The following GRM8 variants were observed in gnomAD, a reference collection of about 807,000 sequenced individuals.
GRM8 encodes metabotropic glutamate receptor 8.
In GRM8, 47 loss-of-function variants were observed where a neutral mutation model predicts 87.2. The ratio of observed to expected loss-of-function variants is 0.54; its 90% CI spans 0.43 to 0.69. The LOEUF is 0.69. Ranked by LOEUF, GRM8 falls within the 30% of genes least tolerant of loss-of-function variation. The pLI is 0.00. For synonymous variants in GRM8, 396 were observed against 404.5 expected (o/e 0.98, Z 0.25); for missense variants, 1,019 against 1,139.2 (o/e 0.89, Z 1.52).
At chr7:126,461,832 A>T (rs182138062) in intron 9 of GRM8, among the ~76,000 whole-genome samples, 9 of 151,702 alleles carry the variant, frequency 5.9e-5, no homozygotes, top group Non-Finnish European at 1.0e-4. Flanking sequence ...CTTTTGGCTT[A>T]ATGTATTGTT....
At chr7:127,212,492 A>T (rs2116641465) in intron 2 of GRM8, among the ~76,000 whole-genome samples, 1 of 135,790 alleles carries the variant, frequency 7.4e-6, no homozygotes, top group African/African-American at 2.9e-5. Context: ...ATCTCGGCTC[A>T]CTGCAAGCTC....
intron 2 of GRM8, among the ~76,000 whole-genome samples, chr7:127,204,720 T>C (rs961520806): frequency 6.6e-6 from 1 of 152,226 alleles, no homozygotes; most frequent in African/African-American, 2.4e-5. Context: ...TGGCCTTTTT[T>C]AGTGCTTCAA....
chr7:126,553,231 AAAC>A (rs1404748271), intron 8 of GRM8, among the ~76,000 whole-genome samples: 1 of 152,168 alleles, frequency 6.6e-6, no homozygotes, highest in Non-Finnish European at 1.5e-5. Flanking sequence ...TCTCTATAAT[AAAC>A]AACAGATAAA....
At chr7:126,551,696 T>A (rs986806486) in intron 8 of GRM8, among the ~76,000 whole-genome samples, 3 of 149,964 alleles carry the variant, frequency 2.0e-5, no homozygotes, top group Non-Finnish European at 3.0e-5. Context: ...TTTTTTTTTT[T>A]ATCCATCCAT....
intron 9 of GRM8, among the ~76,000 whole-genome samples, chr7:126,488,678 G>T (rs748993941): frequency 1.3e-5 from 2 of 151,626 alleles, no homozygotes; most frequent in Non-Finnish European, 2.9e-5. Flanking sequence ...TATACTATTG[G>T]ATATGTACTC....
intron 7 of GRM8, among the ~76,000 whole-genome samples, chr7:126,754,484 A>G (rs1254181226): frequency 6.6e-6 from 1 of 151,854 alleles, no homozygotes; most frequent in Non-Finnish European, 1.5e-5. Flanking sequence ...TGCCAGCCAA[A>G]AGCTAACACA....
chr7:126,951,975 T>A (rs1808211263), intron 3 of GRM8, among the ~76,000 whole-genome samples: 1 of 151,616 alleles, frequency 6.6e-6, no homozygotes, highest in Non-Finnish European at 1.5e-5. Context: ...AATAAGCACA[T>A]CTAGCATGAA....
At chr7:126,488,705 T>C (rs892322460) in intron 9 of GRM8, among the ~76,000 whole-genome samples, 1 of 152,054 alleles carries the variant, frequency 6.6e-6, no homozygotes, top group Non-Finnish European at 1.5e-5. Context: ...ATACTATTTA[T>C]GATTTTTCTT....
chr7:126,954,258 G>A (rs1235448396), intron 3 of GRM8, among the ~76,000 whole-genome samples: 1 of 152,162 alleles, frequency 6.6e-6, no homozygotes, highest in Non-Finnish European at 1.5e-5. Flanking sequence ...TAAAAAGGCA[G>A]CATGGCAAGG....
At chr7:126,615,029 C>T (rs981673190) in intron 7 of GRM8, among the ~76,000 whole-genome samples, 2 of 152,118 alleles carry the variant, frequency 1.3e-5, no homozygotes, top group African/African-American at 4.8e-5. Flanking sequence ...GAGAACACCA[C>T]AAAGATACTC....
At chr7:126,652,066 T>C (rs963860548) in intron 7 of GRM8, among the ~76,000 whole-genome samples, 1 of 152,250 alleles carries the variant, frequency 6.6e-6, no homozygotes, top group Admixed American at 6.5e-5. Context: ...GTAATTGTCA[T>C]GAGTATTTCC....
chr7:126,957,355 A>G (rs1215145354), intron 3 of GRM8, among the ~76,000 whole-genome samples: 1 of 152,168 alleles, frequency 6.6e-6, no homozygotes, highest in Non-Finnish European at 1.5e-5. Context: ...ACACCAGCTG[A>G]GTGGGGAAGG....
chr7:126,921,179 G>T lies in GRM8; in HGVS notation c.728-16496C>A, dbSNP rs567536389. 2.0e-5 allele frequency among the ~76,000 whole-genome samples: 3 copies of T among 152,216 alleles called. No individual in the cohort carries two copies. In the South Asian group the frequency reaches 6.2e-4, roughly 32 times the overall value. Reference sequence around the variant, plus strand: ...TTATTAATATCCTCAGAGACAAGAAGTGTGTCCATGCAACAAGAATAGGAG... The same window carrying T: ...TTATTAATATCCTCAGAGACAAGAATTGTGTCCATGCAACAAGAATAGGAG... On this transcript the variant is annotated intron_variant, in intron 3 of 10. Coordinates refer to ENST00000339582, the MANE Select transcript of GRM8 (RefSeq NM_000845.3).
chr7:126,705,958 A>G (rs2151413228), intron 7 of GRM8, among the ~76,000 whole-genome samples: 1 of 152,280 alleles, frequency 6.6e-6, no homozygotes, highest in South Asian at 2.1e-4. Context: ...ATGTAAGTAA[A>G]GAAGACCCAA....
At chr7:126,680,196 G>T (rs1470542895) in intron 7 of GRM8, among the ~76,000 whole-genome samples, 1 of 152,124 alleles carries the variant, frequency 6.6e-6, no homozygotes, top group Non-Finnish European at 1.5e-5. Flanking sequence ...GTTATTTATG[G>T]TGCACGAACT....
intron 7 of GRM8, among the ~76,000 whole-genome samples, chr7:126,723,849 T>C (rs1812688314): frequency 6.6e-6 from 1 of 152,100 alleles, no homozygotes. Context: ...TGTTGAAGAA[T>C]TTTAGGTCAA....
At chr7:126,753,299 G>A (rs1313695324) in intron 7 of GRM8, among the ~76,000 whole-genome samples, 1 of 151,730 alleles carries the variant, frequency 6.6e-6, no homozygotes, top group African/African-American at 2.4e-5. Context: ...ATATATGTCT[G>A]TTGTCAAATG....
chr7:126,994,044 C>A (rs531875898), intron 3 of GRM8, among the ~76,000 whole-genome samples: 3 of 151,992 alleles, frequency 2.0e-5, no homozygotes, highest in Non-Finnish European at 4.4e-5. Flanking sequence ...CTCCCACAAC[C>A]ACAGGCAGGA....
At chr7:126,752,544 A>C (rs1816542612) in intron 7 of GRM8, among the ~76,000 whole-genome samples, 1 of 152,058 alleles carries the variant, frequency 6.6e-6, no homozygotes, top group South Asian at 2.1e-4. Context: ...ACATGCCTGG[A>C]CCCTAAACAC....
Sources: gnomAD v4.1 joint callset for allele counts (sites outside exome capture counted in the v4.1 genomes callset) on GRCh38, gnomAD v4.1.1 for gene constraint, MANE v1.5 for transcripts, NCBI Gene and HGNC (gene_info 2026-07-23, HGNC 2026-07-21) for gene names.